Variants in FCHSD2 observed in about 807,000 individuals in gnomAD.
FCHSD2 encodes the protein F-BAR and double SH3 domains protein 2.
Under a neutral mutation model 108.1 loss-of-function variants are expected in FCHSD2, and 38 were observed. That is an observed-to-expected ratio of 0.35 (90% CI 0.27 to 0.46). FCHSD2 has a LOEUF of 0.46. FCHSD2 is among the 20% of genes least tolerant of loss of function. The pLI is 1.00. For synonymous variants in FCHSD2, 279 were observed against 314.7 expected (o/e 0.89, Z 1.20); for missense variants, 751 against 897.8 (o/e 0.84, Z 2.09).
At chr11:72,878,629 G>A (rs2135227990) in intron 12 of FCHSD2, among the ~76,000 whole-genome samples, 1 of 152,254 alleles carries the variant, frequency 6.6e-6, no homozygotes, top group South Asian at 2.1e-4. Context: ...TGGACTCCCA[G>A]TTTTAGATAA....
intron 13 of FCHSD2, among the ~76,000 whole-genome samples, chr11:72,863,211 G>T (rs974726448): frequency 6.6e-6 from 1 of 151,870 alleles, no homozygotes; most frequent in African/African-American, 2.4e-5. Context: ...ACAGGCATAA[G>T]CCACTGTGGC....
intron 3 of FCHSD2, among the ~76,000 whole-genome samples, chr11:73,058,606 T>C (rs1038604471): frequency 1.3e-5 from 2 of 151,670 alleles, no homozygotes; most frequent in Admixed American, 6.6e-5. Flanking sequence ...CCTTTTTTTT[T>C]TTTTTTTAAG....
At chr11:73,058,024 C>T (rs1008982440) in intron 3 of FCHSD2, among the ~76,000 whole-genome samples, 6 of 152,056 alleles carry the variant, frequency 3.9e-5, no homozygotes, top group East Asian at 1.9e-4. Flanking sequence ...GGACTACAGG[C>T]GCCCACGACC....
rs138471526 is a variant in FCHSD2, at chr11:72,955,018, C to T, written c.705+29070G>A. On this transcript the variant is annotated intron_variant, in intron 8 of 19. Coordinates refer to ENST00000409418, the MANE Select transcript of FCHSD2 (RefSeq NM_014824.3). ...CTGACTTCAGATGTGTGGGGACTTTCCCACATGCCAAGCAATTCCCTGGCA... is the reference window on the plus strand; with the variant it reads ...CTGACTTCAGATGTGTGGGGACTTTTCCACATGCCAAGCAATTCCCTGGCA... 7.3e-3 allele frequency among the ~76,000 whole-genome samples: 1,113 copies of T among 152,314 alleles called. 9 individuals carry two copies. Among genetic ancestry groups the T allele is most frequent in the Middle Eastern group, 0.027 (8 of 294 alleles).
At position 73,141,975 on chromosome 11, in the gene FCHSD2, G is replaced by A; in HGVS notation, c.-98C>T. On this transcript the variant is annotated 5_prime_UTR_variant, in exon 1 of 20. Coordinates refer to ENST00000409418, the MANE Select transcript of FCHSD2 (RefSeq NM_014824.3). ...GGAGGGGACGGCCCAGCGAGCGCGC[G>A]CGTGTGTGAAAGGAGCGCTTAAGAA... is the stretch of plus-strand genomic sequence containing the variant. The A allele has an allele frequency of 1.6e-6, 2 of 1,276,294 alleles. No homozygotes were observed. Among genetic ancestry groups the A allele is most frequent in the Non-Finnish European group, 2.2e-6 (2 of 925,506 alleles). The allele number at this position is 1,276,294 out of a possible 1,614,324, so 79.1% of individuals were successfully genotyped here.
chr11:72,932,723 T>G (rs759628209), intron 8 of FCHSD2, among the ~76,000 whole-genome samples: 16 of 152,198 alleles, frequency 1.1e-4, no homozygotes, highest in Non-Finnish European at 2.4e-4. Context: ...ACTGGTGATA[T>G]TTGTTTGTAT....
chr11:72,933,733 A>G (rs1021773030), intron 8 of FCHSD2, among the ~76,000 whole-genome samples: 14 of 152,220 alleles, frequency 9.2e-5, no homozygotes, highest in South Asian at 2.1e-4. Context: ...CAAAGCTTAA[A>G]GTAGACAATT....
intron 8 of FCHSD2, among the ~76,000 whole-genome samples, chr11:72,932,249 C>T (rs1476208109): frequency 6.6e-6 from 1 of 152,206 alleles, no homozygotes; most frequent in Non-Finnish European, 1.5e-5. Context: ...CCTGTCTCAT[C>T]CAGATTATTG....
At chr11:72,936,675 C>T (rs1244056632) in intron 8 of FCHSD2, among the ~76,000 whole-genome samples, 2 of 152,158 alleles carry the variant, frequency 1.3e-5, no homozygotes, top group Admixed American at 1.3e-4. Context: ...AATTCAGATT[C>T]TCCCTTCTGC....
intron 2 of FCHSD2, among the ~76,000 whole-genome samples, chr11:73,126,317 G>C (rs538495899): frequency 1.5e-3 from 157 of 108,148 alleles, no homozygotes; most frequent in African/African-American, 5.2e-3. Flanking sequence ...TCCAGCCTGG[G>C]CAACAGGGCA....
At chr11:73,055,987 A>T (rs1008873540) in intron 3 of FCHSD2, among the ~76,000 whole-genome samples, 57 of 152,240 alleles carry the variant, frequency 3.7e-4, no homozygotes, top group African/African-American at 1.3e-3. Context: ...CCTTAAAAAT[A>T]GTTAAAATGA....
chr11:72,941,030 G>A (rs114495105), intron 8 of FCHSD2: 11 of 718,906 alleles, frequency 1.5e-5, no homozygotes, highest in African/African-American at 3.5e-5. Flanking sequence ...GGAAAGGACC[G>A]TATGTTCCAC....
intron 3 of FCHSD2, among the ~76,000 whole-genome samples, chr11:73,061,208 G>A (rs924551429): frequency 2.6e-5 from 4 of 152,162 alleles, no homozygotes; most frequent in Admixed American, 6.5e-5. Flanking sequence ...AAGCACAAAG[G>A]GTCAGGGAAT....
intron 8 of FCHSD2, among the ~76,000 whole-genome samples, chr11:72,948,133 G>C (rs1169244360): frequency 6.6e-6 from 1 of 152,180 alleles, no homozygotes; most frequent in East Asian, 1.9e-4. Context: ...TCAGCCTCCT[G>C]AGTAGCTGGG....
intron 3 of FCHSD2, among the ~76,000 whole-genome samples, chr11:73,035,999 G>GT (rs1257356210): frequency 1.3e-5 from 2 of 152,106 alleles, no homozygotes; most frequent in Non-Finnish European, 2.9e-5. Context: ...GATTACAAGC[G>GT]TGAGCCACCA....
intron 2 of FCHSD2, among the ~76,000 whole-genome samples, chr11:73,123,482 C>A (rs963122659): frequency 6.6e-6 from 1 of 152,150 alleles, no homozygotes; most frequent in Non-Finnish European, 1.5e-5. Context: ...AATCTACCAA[C>A]GCAGAATCTT....
intron 9 of FCHSD2, 107 bp from the exon 10 acceptor site, chr11:72,902,745 A>G (rs931967650): frequency 3.1e-6 from 2 of 635,136 alleles, no homozygotes; most frequent in African/African-American, 3.7e-5. Context: ...ATGAGAAATC[A>G]TCCAACACTG....
rs191841276 is a variant in FCHSD2 at position 73,088,936 on chromosome 11, G to A, written c.120-5196C>T. Among the ~76,000 whole-genome samples the A allele has an allele frequency of 4.9e-3, 745 of 152,078 alleles. 5 individuals are homozygous for A. Among genetic ancestry groups the A allele is most frequent in the African/African-American group, 0.017 (723 of 41,512 alleles). The stretch of plus-strand genomic sequence containing the variant: ...CTCATTTTAAAATAAGGACATTCAC[G>A]TGAAGTCCACAAGAAAAAGGAATAG... On this transcript the variant is annotated intron_variant, in intron 2 of 19. Coordinates refer to ENST00000409418, the MANE Select transcript of FCHSD2 (RefSeq NM_014824.3).
intron 2 of FCHSD2, among the ~76,000 whole-genome samples, chr11:73,110,370 T>C (rs1472029987): frequency 1.3e-5 from 2 of 152,198 alleles, no homozygotes; most frequent in African/African-American, 4.8e-5. Context: ...TCCTGTTATT[T>C]GTTATTGCTC....
Sources: gnomAD v4.1 joint callset for allele counts (sites outside exome capture counted in the v4.1 genomes callset) on GRCh38, gnomAD v4.1.1 for gene constraint, MANE v1.5 for transcripts, NCBI Gene and HGNC (gene_info 2026-07-23, HGNC 2026-07-21) for gene names.